HMOX2: variants seen among roughly 807,000 people sequenced by gnomAD.
The protein encoded by HMOX2 is heme oxygenase (decycling) 2.
Under a neutral mutation model 33.7 loss-of-function variants are expected in HMOX2, and 30 were observed. The observed-to-expected ratio is 0.89, with a 90% CI of 0.67 to 1.21. HMOX2 has a LOEUF of 1.21. Among genes scored for constraint, HMOX2 ranks in the 50% most tolerant of loss-of-function variants. The pLI, the probability that HMOX2 is intolerant of heterozygous loss-of-function variation, is 0.00. For synonymous variants in HMOX2, 155 were observed against 155.0 expected (o/e 1.00, Z 0.00); for missense variants, 403 against 399.1 (o/e 1.01, Z -0.08).
intron 1 of HMOX2, among the ~76,000 whole-genome samples, chr16:4,482,837 G>T (rs1425186628): frequency 1.3e-5 from 2 of 152,124 alleles, no homozygotes; most frequent in African/African-American, 4.8e-5. Flanking sequence ...AGACCAGCCT[G>T]ACCAATGTGG....
At chr16:4,487,249 C>T (rs1321651776) in intron 1 of HMOX2, among the ~76,000 whole-genome samples, 1 of 151,842 alleles carries the variant, frequency 6.6e-6, no homozygotes, top group Non-Finnish European at 1.5e-5. Flanking sequence ...CACAGCAAGA[C>T]CCTGTCTCAA....
chr16:4,488,127 C>CAAA (rs60429116), intron 1 of HMOX2, among the ~76,000 whole-genome samples: 9 of 69,284 alleles, frequency 1.3e-4, no homozygotes, highest in South Asian at 6.1e-4. Context: ...AACTCCATCT[C>CAAA]AAAAAAAAAA....
intron 1 of HMOX2, chr16:4,488,765 G>A (rs1255860659): frequency 1.3e-5 from 2 of 152,548 alleles, no homozygotes; most frequent in Non-Finnish European, 2.9e-5. Context: ...TGTATGCGTT[G>A]AGTGGAGAAG....
At chr16:4,506,180 A>G (rs1303353964) in intron 2 of HMOX2, among the ~76,000 whole-genome samples, 7 of 152,198 alleles carry the variant, frequency 4.6e-5, no homozygotes, top group Admixed American at 4.6e-4. Flanking sequence ...AGACCATGAT[A>G]AGGCCAAATT....
rs749425154 is a variant in HMOX2, at chr16:4,507,704, C to G, written c.205-9C>G. 1.2e-6 allele frequency: 2 copies of G among 1,611,462 alleles called. No homozygotes were observed. The highest frequency in any genetic ancestry group is 1.7e-6 in the Non-Finnish European group (2 of 1,178,088). On this transcript the variant is annotated splice_polypyrimidine_tract_variant and intron_variant, in intron 3 of 5. Transcript: ENST00000570646. ...AGGCATAGCTGGCCTCCTCCTGTCA[C>G]CTCCACAGCTGGCCACCACGGCACT...
intron 1 of HMOX2, among the ~76,000 whole-genome samples, chr16:4,488,276 T>C (rs985276832): frequency 6.6e-6 from 1 of 152,190 alleles, no homozygotes; most frequent in Non-Finnish European, 1.5e-5. Context: ...CAGTCAGTAG[T>C]TGATGTTCTG....
chr16:4,485,739 T>C (rs997198121), intron 1 of HMOX2, among the ~76,000 whole-genome samples: 1 of 152,172 alleles, frequency 6.6e-6, no homozygotes, highest in Non-Finnish European at 1.5e-5. Flanking sequence ...TTGTTTTTGT[T>C]TTTGAGAGAA....
At chr16:4,477,107 C>G (rs956268539) in intron 1 of HMOX2, among the ~76,000 whole-genome samples, 10 of 152,202 alleles carry the variant, frequency 6.6e-5, no homozygotes, top group Non-Finnish European at 1.0e-4. Context: ...TTACCTATTA[C>G]TTTCTGAGCG....
At chr16:4,500,023 C>T (rs1412239090) in intron 1 of HMOX2, among the ~76,000 whole-genome samples, 1 of 152,208 alleles carries the variant, frequency 6.6e-6, no homozygotes, top group Non-Finnish European at 1.5e-5. Flanking sequence ...ACAGCTGTAA[C>T]TCAGGTTGGA....
chr16:4,508,876 G>T (rs2058759561), intron 4 of HMOX2, among the ~76,000 whole-genome samples: 2 of 152,208 alleles, frequency 1.3e-5, no homozygotes, highest in Admixed American at 1.3e-4. Context: ...CAGTTCCCAG[G>T]GGAGACCCAG....
rs569991234 is a variant in HMOX2, at chr16:4,478,870, C to G, written c.-42+2383C>G. Among the ~76,000 whole-genome samples, 8 of 151,446 alleles carry G rather than the reference C, an allele frequency of 5.3e-5. No individual in the cohort carries two copies. The East Asian group carries it at 1.2e-3, about 22-fold the overall frequency. ...AAAGGAAAGAGATGAAAAACTTGAC[C>G]TAGACTGGGTGCGGTGGCTCACGCC... On this transcript the variant is annotated intron_variant, in intron 1 of 5. Transcript: ENST00000570646.
intron 1 of HMOX2, among the ~76,000 whole-genome samples, chr16:4,480,347 C>CTTTTTTT (rs57106048): frequency 7.7e-6 from 1 of 129,272 alleles, no homozygotes. Flanking sequence ...AGCACCCGGC[C>CTTTTTTT]TTTTTTTTTT....
chr16:4,486,322 G>A (rs1225829816), intron 1 of HMOX2, among the ~76,000 whole-genome samples: 1 of 152,234 alleles, frequency 6.6e-6, no homozygotes, highest in African/African-American at 2.4e-5. Flanking sequence ...CCAAAGGACA[G>A]CGTGTCCCCA....
chr16:4,481,829 A>G (rs1472773413), intron 1 of HMOX2: 2 of 152,170 alleles, frequency 1.3e-5, no homozygotes, highest in East Asian at 1.9e-4. Flanking sequence ...CAAGACTGCT[A>G]TGTGCTGCTG....
At chr16:4,482,991 C>T (rs1043864047) in intron 1 of HMOX2, among the ~76,000 whole-genome samples, 3 of 151,926 alleles carry the variant, frequency 2.0e-5, no homozygotes, top group African/African-American at 4.8e-5. Context: ...GATCACGCCA[C>T]CGCACTCCAT....
rs374284727 is a variant in HMOX2 at position 4,509,976 on chromosome 16, G to A, written c.*220G>A. 2 of 586,642 alleles carry A rather than the reference G, an allele frequency of 3.4e-6. No homozygotes were observed. The highest frequency in any genetic ancestry group is 6.0e-6 in the Non-Finnish European group (2 of 332,728). The allele number at this position is 586,642 out of a possible 1,614,324, so 36.3% of individuals were successfully genotyped here. Reference sequence around the variant, plus strand: ...ACAGGCCGTCACCCTGGGAGCAGTCGGCACAGTGCAGCAAGCCTGGCCCCC... The same window carrying A: ...ACAGGCCGTCACCCTGGGAGCAGTCAGCACAGTGCAGCAAGCCTGGCCCCC... On this transcript the variant is annotated 3_prime_UTR_variant, in exon 6 of 6. Transcript: ENST00000570646.
intron 4 of HMOX2, among the ~76,000 whole-genome samples, chr16:4,509,193 AAAATTTAAAAATTAGC>A (rs1158946797): frequency 1.3e-5 from 2 of 152,192 alleles, no homozygotes; most frequent in Non-Finnish European, 2.9e-5. Context: ...ATCTCCCCAC[AAAATTTAAAAATTAGC>A]CAGGTATGGT....
chr16:4,493,606 C>G (rs1358519469), intron 1 of HMOX2, among the ~76,000 whole-genome samples: 2 of 152,238 alleles, frequency 1.3e-5, no homozygotes, highest in Non-Finnish European at 2.9e-5. Flanking sequence ...TTAACCACAT[C>G]TATGTGCTGC....
intron 3 of HMOX2, among the ~76,000 whole-genome samples, 180 bp from the exon 4 acceptor site, chr16:4,507,533 C>A (rs532203046): frequency 2.0e-5 from 3 of 152,200 alleles, no homozygotes; most frequent in African/African-American, 7.2e-5. Context: ...GTTCCAAAGA[C>A]TTCACCATGC....
Sources: gnomAD v4.1 joint callset for allele counts (sites outside exome capture counted in the v4.1 genomes callset) on GRCh38, gnomAD v4.1.1 for gene constraint, MANE v1.5 for transcripts, NCBI Gene and HGNC (gene_info 2026-07-23, HGNC 2026-07-21) for gene names.